The following MYO5B variants were observed in gnomAD, a reference collection of about 807,000 sequenced individuals.
MYO5B encodes myosin VB.
Under a neutral mutation model 229.3 loss-of-function variants are expected in MYO5B, and 143 were observed. The ratio of observed to expected loss-of-function variants is 0.62; its 90% CI spans 0.54 to 0.72. The LOEUF (loss-of-function observed/expected upper bound fraction) is 0.72, where lower values mean the gene tolerates loss of function less well. MYO5B is among the 30% of genes least tolerant of loss of function. The pLI is 0.00. For synonymous variants in MYO5B, 918 were observed against 885.2 expected (o/e 1.04, Z -0.66); for missense variants, 2,321 against 2,331.0 (o/e 1.00, Z 0.09).
chr18:49,902,935 T>C (rs950760136), intron 20 of MYO5B, 102 bp from the exon 21 acceptor site: 2 of 1,471,886 alleles, frequency 1.4e-6, no homozygotes, highest in African/African-American at 2.8e-5. Flanking sequence ...CAGGGCAGCC[T>C]TGGTTCTAGG....
Position 49,901,307 on chromosome 18 carries a change from G to T in MYO5B, c.2811+1287C>A, listed in dbSNP as rs532970684. On this transcript the variant is annotated intron_variant, in intron 21 of 39. Coordinates refer to ENST00000285039, the MANE Select transcript of MYO5B (RefSeq NM_001080467.3). ...CCATGTGGGCCACCAAAAAGTGGGGGTCCAGGTTTGTGCATGCATACATGT... is the reference window on the plus strand; with the variant it reads ...CCATGTGGGCCACCAAAAAGTGGGGTTCCAGGTTTGTGCATGCATACATGT... Among the ~76,000 whole-genome samples, 15 of 152,342 alleles carry T rather than the reference G, an allele frequency of 9.8e-5. No individual in the cohort carries two copies. In the South Asian group the frequency reaches 2.9e-3, roughly 29 times the overall value.
At chr18:49,850,066 T>G (rs2024180596) in intron 31 of MYO5B, 2 of 319,034 alleles carry the variant, frequency 6.3e-6, no homozygotes, top group Non-Finnish European at 1.2e-5. Context: ...GGCAGGGAGG[T>G]TGGAAGAGCA....
intron 18 of MYO5B, among the ~76,000 whole-genome samples, chr18:49,908,541 C>A (rs960101897): frequency 1.3e-5 from 2 of 152,204 alleles, no homozygotes; most frequent in African/African-American, 4.8e-5. Flanking sequence ...TCCCAGGCCC[C>A]AAGTCTCCAA....
intron 39 of MYO5B, among the ~76,000 whole-genome samples, chr18:49,830,231 C>A (rs146405127): frequency 6.8e-4 from 102 of 151,080 alleles, no homozygotes; most frequent in Admixed American, 1.4e-3. Flanking sequence ...ACATAAAAAT[C>A]AGTTGTATTT....
rs561334390 is a variant in MYO5B at position 50,139,319 on chromosome 18, G to T, written c.27+55448C>A. 7.9e-5 allele frequency among the ~76,000 whole-genome samples: 12 copies of T among 152,274 alleles called. No homozygotes were observed. In the South Asian group the frequency reaches 2.3e-3, roughly 29 times the overall value. On this transcript the variant is annotated intron_variant, in intron 1 of 39. Coordinates refer to ENST00000285039, the MANE Select transcript of MYO5B (RefSeq NM_001080467.3). ...CAAAGTGGACACTCATTTGGAGTCA[G>T]AAAAAAATCTCTTGGTCTGGACCCT...
intron 33 of MYO5B, among the ~76,000 whole-genome samples, chr18:49,844,796 T>C (rs559499374): frequency 6.6e-6 from 1 of 152,368 alleles, no homozygotes; most frequent in East Asian, 1.9e-4. Context: ...TGCAAACAAC[T>C]TGTCCTGTCT....
intron 1 of MYO5B, among the ~76,000 whole-genome samples, chr18:50,132,747 T>C (rs550065057): frequency 6.6e-5 from 10 of 152,320 alleles, no homozygotes; most frequent in Middle Eastern, 3.4e-3. Flanking sequence ...GAACCTCCAA[T>C]GTTTAAACAT....
chr18:50,070,986 A>G (rs538165615), intron 1 of MYO5B, among the ~76,000 whole-genome samples: 2 of 152,140 alleles, frequency 1.3e-5, no homozygotes, highest in African/African-American at 2.4e-5. Flanking sequence ...ACAGTCTTGT[A>G]TGAACTTTTG....
Position 49,826,208 on chromosome 18 carries a change from G to A in MYO5B, c.*263C>T. The A allele has an allele frequency of 2.2e-6, 1 of 461,624 alleles. No homozygotes were observed. Among genetic ancestry groups the A allele is most frequent in the East Asian group, 4.4e-5 (1 of 22,902 alleles). 28.6% of individuals were successfully genotyped at this position (461,624 alleles called of 1,614,324 possible). A position where few individuals can be genotyped will look rare whatever the true frequency, so the allele number is the denominator to read the frequency against. On this transcript the variant is annotated 3_prime_UTR_variant, in exon 40 of 40. Coordinates refer to ENST00000285039, the MANE Select transcript of MYO5B (RefSeq NM_001080467.3). ...TTTATATGTCTATGGGGACTGCTTG[G>A]TGTCTATAAATTATGTATATGTGTT...
chr18:49,863,816 G>A (rs1210455391), intron 28 of MYO5B, among the ~76,000 whole-genome samples: 8 of 152,184 alleles, frequency 5.3e-5, no homozygotes, highest in Admixed American at 5.2e-4. Flanking sequence ...GCCACCCTGG[G>A]GGACTGAGGA....
rs188658815 is a variant in MYO5B, at chr18:49,830,743, G to T, written c.5395-4120C>A. 3.4e-4 allele frequency among the ~76,000 whole-genome samples: 50 copies of T among 145,632 alleles called. No homozygotes were observed. The East Asian group carries it at 8.0e-3, about 23-fold the overall frequency. On this transcript the variant is annotated intron_variant, in intron 39 of 39. Coordinates refer to ENST00000285039, the MANE Select transcript of MYO5B (RefSeq NM_001080467.3). ...CATGCCTATATTCCCTGAGGCAGGAGAATTGCTTGAACCTGGGAGGCGGAG... is the reference window on the plus strand; with the variant it reads ...CATGCCTATATTCCCTGAGGCAGGATAATTGCTTGAACCTGGGAGGCGGAG...
chr18:49,856,015 T>C (rs138103710), intron 30 of MYO5B, among the ~76,000 whole-genome samples: 19 of 152,362 alleles, frequency 1.2e-4, no homozygotes, highest in African/African-American at 4.3e-4. Flanking sequence ...GGCAAAGCTA[T>C]GCCACAGCTC....
At chr18:49,886,550 A>G (rs986066623) in intron 22 of MYO5B, among the ~76,000 whole-genome samples, 3 of 152,196 alleles carry the variant, frequency 2.0e-5, no homozygotes, top group Non-Finnish European at 4.4e-5. Flanking sequence ...TTTCTGCCCA[A>G]CAGGAGGTCA....
chr18:50,093,207 GACAC>G (rs772200737), intron 1 of MYO5B, among the ~76,000 whole-genome samples: 29 of 119,656 alleles, frequency 2.4e-4, no homozygotes, highest in Non-Finnish European at 3.8e-4. Flanking sequence ...CACACACACA[GACAC>G]ACACACACAC....
At chr18:49,859,302 T>C (rs2024300713) in intron 29 of MYO5B, among the ~76,000 whole-genome samples, 1 of 152,220 alleles carries the variant, frequency 6.6e-6, no homozygotes, top group Non-Finnish European at 1.5e-5. Flanking sequence ...CTTCCAGATC[T>C]TATAAAAAGC....
chr18:50,136,737 T>C (rs1447664502), intron 1 of MYO5B, among the ~76,000 whole-genome samples: 1 of 152,200 alleles, frequency 6.6e-6, no homozygotes, highest in African/African-American at 2.4e-5. Context: ...AGCAGTATCC[T>C]CATTTAACTT....
At chr18:50,076,946 A>G (rs760906465) in intron 1 of MYO5B, among the ~76,000 whole-genome samples, 1 of 147,122 alleles carries the variant, frequency 6.8e-6, no homozygotes, top group Non-Finnish European at 1.5e-5. Context: ...AAAAAATCCA[A>G]TAGTATAAAA....
intron 1 of MYO5B, among the ~76,000 whole-genome samples, chr18:50,176,745 T>C (rs144721164): frequency 2.7e-4 from 41 of 152,248 alleles, no homozygotes; most frequent in African/African-American, 9.9e-4. Context: ...AAGAGGTTAA[T>C]GTGATAGCAA....
At chr18:49,916,467 C>A (rs2025015445) in intron 17 of MYO5B, among the ~76,000 whole-genome samples, 1 of 152,328 alleles carries the variant, frequency 6.6e-6, no homozygotes, top group South Asian at 2.1e-4. Context: ...CTTTAGTAGC[C>A]AGGGAGTTCA....
Sources: allele counts gnomAD v4.1 joint callset (sites outside exome capture counted in the v4.1 genomes callset), GRCh38; gene constraint gnomAD v4.1.1; transcripts MANE v1.5; gene names NCBI Gene and HGNC (gene_info 2026-07-23, HGNC 2026-07-21).